The following GABRB1 variants were observed in gnomAD, a reference collection of about 807,000 sequenced individuals.
GABRB1 encodes gamma-aminobutyric acid receptor subunit beta-1.
Under a neutral mutation model 51.6 loss-of-function variants are expected in GABRB1, and 17 were observed. That is an observed-to-expected ratio of 0.33 (90% confidence interval 0.23 to 0.49). The LOEUF (loss-of-function observed/expected upper bound fraction) is 0.49, where lower values mean the gene tolerates loss of function less well. Among genes scored for constraint, GABRB1 ranks in the 20% least tolerant of loss-of-function variants. The probability of loss-of-function intolerance (pLI) is 0.99; values close to 1 mark genes in which losing one functional copy is unlikely to be tolerated. For synonymous variants in GABRB1, 247 were observed against 218.9 expected, an observed-to-expected ratio of 1.13 and a Z score of -1.14; for missense variants, 410 against 600.6, an observed-to-expected ratio of 0.68 and a Z score of 3.32.
rs543025456 is a variant in GABRB1 at position 47,316,609 on chromosome 4, G to A, written c.462-3518G>A. On this transcript the variant is annotated intron_variant, in intron 4 of 8. Transcript: ENST00000295454. ...AACTTGTGCTGCCAGGTTAAATTATGCAGAGCATTGAGCACCAAGTAAAGC... is the reference window on the plus strand; with the variant it reads ...AACTTGTGCTGCCAGGTTAAATTATACAGAGCATTGAGCACCAAGTAAAGC... Among the ~76,000 whole-genome samples, 463 of 152,010 alleles carry A rather than the reference G, an allele frequency of 3.0e-3. 1 individual carries two copies. Among genetic ancestry groups the A allele is most frequent in the Non-Finnish European group, 5.7e-3 (387 of 67,806 alleles).
At chr4:47,405,910 A>C (rs1045451547) in intron 7 of GABRB1, among the ~76,000 whole-genome samples, 1 of 152,200 alleles carries the variant, frequency 6.6e-6, no homozygotes, top group South Asian at 2.1e-4. Flanking sequence ...TAAATAAAAC[A>C]AAATCTGTCT....
chr4:47,287,180 G>A (rs1039693922), intron 4 of GABRB1, among the ~76,000 whole-genome samples: 4 of 152,166 alleles, frequency 2.6e-5, no homozygotes, highest in African/African-American at 9.7e-5. Flanking sequence ...CCAGAATTCA[G>A]GTGCTGAGGT....
At chr4:47,034,945 T>A (rs1008497592) in intron 3 of GABRB1, among the ~76,000 whole-genome samples, 12 of 152,134 alleles carry the variant, frequency 7.9e-5, no homozygotes, top group Non-Finnish European at 1.2e-4. Flanking sequence ...GTAACTTGAG[T>A]AATTTAATAG....
chr4:47,150,627 A>G (rs1189240461), intron 3 of GABRB1, among the ~76,000 whole-genome samples: 1 of 131,356 alleles, frequency 7.6e-6, no homozygotes, highest in Non-Finnish European at 1.7e-5. Context: ...TTTTCAATAC[A>G]TGACAAAAGC....
Position 47,403,471 on chromosome 4 carries a change from C to G in GABRB1, c.682+16C>G. 1.2e-6 allele frequency: 2 copies of G among 1,613,640 alleles called. No homozygotes were observed. Among genetic ancestry groups the G allele is most frequent in the South Asian group, 1.1e-5 (1 of 90,968 alleles). On this transcript the variant is annotated intron_variant, in intron 6 of 8. Coordinates refer to ENST00000295454, the MANE Select transcript of GABRB1 (RefSeq NM_000812.4). ...TTCACAACAGGTGAGGTTGTTTCCC[C>G]CAAAATGTACTAGGGGTGCTGTGAA...
intron 4 of GABRB1, among the ~76,000 whole-genome samples, chr4:47,298,241 G>A (rs1724092215): frequency 1.3e-5 from 2 of 152,060 alleles, no homozygotes; most frequent in African/African-American, 2.4e-5. Context: ...TTCTGGCCAG[G>A]GCAATTAGGC....
chr4:47,273,692 T>C (rs2109896624), intron 4 of GABRB1, among the ~76,000 whole-genome samples: 1 of 152,044 alleles, frequency 6.6e-6, no homozygotes, highest in Non-Finnish European at 1.5e-5. Flanking sequence ...GGAAACTTAG[T>C]TGACAGAGAA....
chr4:47,323,502 A>AT (rs1257670504), intron 5 of GABRB1, among the ~76,000 whole-genome samples: 3 of 152,214 alleles, frequency 2.0e-5, no homozygotes, highest in African/African-American at 7.2e-5. Flanking sequence ...GAAACGTGTT[A>AT]TTTTCTGAAA....
chr4:47,029,112 G>A (rs562915579), upstream of GABRB1, among the ~76,000 whole-genome samples: 1 of 151,544 alleles, frequency 6.6e-6, no homozygotes, highest in Non-Finnish European at 1.5e-5. Flanking sequence ...AATAAAAATT[G>A]TTGCCAGTTT....
chr4:47,032,290 AG>A (rs35154885), intron 2 of GABRB1, 126 bp from the exon 3 acceptor site: 1 of 901,998 alleles, frequency 1.1e-6, no homozygotes, highest in Non-Finnish European at 1.7e-6. Flanking sequence ...GTCCCCTGAA[AG>A]GGGTGGTGGG....
intron 3 of GABRB1, among the ~76,000 whole-genome samples, chr4:47,107,486 T>C (rs1293131376): frequency 6.6e-6 from 1 of 152,068 alleles, no homozygotes; most frequent in Non-Finnish European, 1.5e-5. Context: ...AATATTTGCA[T>C]TGGGTATCAT....
intron 4 of GABRB1, among the ~76,000 whole-genome samples, chr4:47,205,310 A>C (rs1720071397): frequency 6.6e-6 from 1 of 152,168 alleles, no homozygotes; most frequent in Non-Finnish European, 1.5e-5. Context: ...CCTCTTTCTT[A>C]GTTTTGTAGG....
chr4:47,082,815 T>G (rs1433940188), intron 3 of GABRB1, among the ~76,000 whole-genome samples: 2 of 152,130 alleles, frequency 1.3e-5, no homozygotes, highest in Non-Finnish European at 2.9e-5. Flanking sequence ...AATATCTAGA[T>G]TCGCATGTCT....
intron 4 of GABRB1, among the ~76,000 whole-genome samples, chr4:47,291,454 A>T (rs2109922557): frequency 6.6e-6 from 1 of 152,294 alleles, no homozygotes; most frequent in South Asian, 2.1e-4. Context: ...CAGAGTCCAT[A>T]TGGGGCACTG....
intron 3 of GABRB1, among the ~76,000 whole-genome samples, chr4:47,101,161 G>C (rs756077799): frequency 5.9e-5 from 9 of 151,944 alleles, no homozygotes; most frequent in African/African-American, 2.2e-4. Flanking sequence ...ACATGTTTTC[G>C]AACTAGACTC....
intron 3 of GABRB1, among the ~76,000 whole-genome samples, chr4:47,122,378 CAGTTAAGGTCCAATAAGA>C (rs1316105099): frequency 6.6e-6 from 1 of 151,962 alleles, no homozygotes; most frequent in Non-Finnish European, 1.5e-5. Flanking sequence ...CCATGATTAT[CAGTTAAGGTCCAATAAGA>C]AGACAGGAAC....
In GABRB1 at chr4:47,307,001, A is replaced by G. The variant is rs565807107; in HGVS notation, c.462-13126A>G. On this transcript the variant is annotated intron_variant, in intron 4 of 8. Coordinates refer to ENST00000295454, the MANE Select transcript of GABRB1 (RefSeq NM_000812.4). ...AAGTATAGTGGCTGAGTCAAGAGGTAATCACTGAATCAATATGTTGTCAAA... is the reference window on the plus strand; with the variant it reads ...AAGTATAGTGGCTGAGTCAAGAGGTGATCACTGAATCAATATGTTGTCAAA... Among the ~76,000 whole-genome samples the G allele has an allele frequency of 4.6e-5, 7 of 152,242 alleles. No homozygotes were observed. In the South Asian group the frequency reaches 1.2e-3, roughly 27 times the overall value.
chr4:47,221,858 T>G (rs1720779703), intron 4 of GABRB1, among the ~76,000 whole-genome samples: 1 of 152,032 alleles, frequency 6.6e-6, no homozygotes, highest in Non-Finnish European at 1.5e-5. Context: ...TAATATCTAT[T>G]GTTGATTCAT....
intron 1 of GABRB1, among the ~76,000 whole-genome samples, chr4:46,994,915 G>A (rs952222904): frequency 1.3e-5 from 2 of 152,146 alleles, no homozygotes; most frequent in Admixed American, 1.3e-4. Flanking sequence ...TTTTTTGTGT[G>A]TTTTAAACGT....
Sources: gnomAD v4.1 joint callset for allele counts (sites outside exome capture counted in the v4.1 genomes callset) on GRCh38, gnomAD v4.1.1 for gene constraint, MANE v1.5 for transcripts, NCBI Gene and HGNC (gene_info 2026-07-23, HGNC 2026-07-21) for gene names.